RBBP8: variants seen among roughly 807,000 people sequenced by gnomAD.
RBBP8 encodes DNA endonuclease RBBP8.
A neutral mutation model predicts 108.3 loss-of-function variants in RBBP8; 88 were observed. That is an observed-to-expected ratio of 0.81 (90% CI 0.68 to 0.97). The LOEUF is 0.97. Ranked by LOEUF, RBBP8 falls within the 50% of genes least tolerant of loss-of-function variation. The pLI is 0.00. For missense variants in RBBP8, 1,023 were observed against 1,049.0 expected (o/e 0.98, Z 0.34); for synonymous variants, 332 against 348.2 (o/e 0.95, Z 0.52).
At chr18:23,005,025 G>A (rs945610036) in intron 15 of RBBP8, among the ~76,000 whole-genome samples, 2 of 151,996 alleles carry the variant, frequency 1.3e-5, no homozygotes, top group African/African-American at 4.8e-5. Flanking sequence ...AGCCGGGTGT[G>A]GTGGCGTGCG....
At chr18:22,987,797 A>C (rs776496219) in intron 8 of RBBP8, among the ~76,000 whole-genome samples, 92 of 152,312 alleles carry the variant, frequency 6.0e-4, no homozygotes, top group Non-Finnish European at 1.0e-3. Flanking sequence ...TGCAGTCAGT[A>C]GTCTTCTCTG....
intron 18 of RBBP8, among the ~76,000 whole-genome samples, chr18:23,025,750 A>G (rs1241707958): frequency 6.6e-6 from 1 of 152,216 alleles, no homozygotes; most frequent in African/African-American, 2.4e-5. Flanking sequence ...GCAGAATAGG[A>G]AAGTGTTTAA....
At position 22,940,616 on chromosome 18, in the gene RBBP8, G is replaced by T. The variant is rs773914322; in HGVS notation, c.109+3656G>T. ...ATTACAGGCGTGAGCCACTGCGCCC[G>T]GTCTATATTTCTTTTTAAGATTTTT... On this transcript the variant is annotated intron_variant, in intron 2 of 18. Coordinates refer to ENST00000327155, the MANE Select transcript of RBBP8 (RefSeq NM_002894.3). 8.6e-5 allele frequency among the ~76,000 whole-genome samples: 13 copies of T among 151,738 alleles called. 1 individual carries two copies. Among genetic ancestry groups the T allele is most frequent in the African/African-American group, 3.2e-4 (13 of 41,244 alleles).
intron 8 of RBBP8, among the ~76,000 whole-genome samples, chr18:22,986,581 A>G (rs141632095): frequency 1.2e-4 from 18 of 152,260 alleles, no homozygotes; most frequent in Non-Finnish European, 2.5e-4. Context: ...GGAATATTAT[A>G]GCATGATCGG....
At chr18:22,969,381 CA>C (rs1221984656) in intron 5 of RBBP8, among the ~76,000 whole-genome samples, 3 of 152,074 alleles carry the variant, frequency 2.0e-5, no homozygotes, top group African/African-American at 7.2e-5. Context: ...AGTTTTTCTA[CA>C]TTCTTAGCCG....
At chr18:22,957,381 C>T (rs529438447) in intron 4 of RBBP8, among the ~76,000 whole-genome samples, 1 of 129,778 alleles carries the variant, frequency 7.7e-6, no homozygotes, top group South Asian at 2.6e-4. Flanking sequence ...GTTGTATTTA[C>T]AGCACTGAGC....
At chr18:22,989,122 C>A in intron 8 of RBBP8, 99 bp from the exon 9 acceptor site, 1 of 831,764 alleles carries the variant, frequency 1.2e-6, no homozygotes, top group Non-Finnish European at 1.9e-6. Flanking sequence ...GAAGTGTGAG[C>A]CTTTTCCTTC....
rs781147774 is a variant in RBBP8 at position 22,993,066 on chromosome 18, T to C, written c.1239T>C (p.Ser413=). The C allele has an allele frequency of 6.2e-7, 1 of 1,612,962 alleles. No individual in the cohort carries two copies. The highest frequency in any genetic ancestry group is 1.1e-5 in the South Asian group (1 of 90,966). Residue 413 remains serine (S), a synonymous_variant, in exon 11 of 19, where the codon AGT becomes AGC. Transcript: ENST00000327155. ...AGATACTTATAAATAAAAATATAAGTGAATCCCTAGGTGAACAGAATAGGA... is the reference window on the plus strand; with the variant it reads ...AGATACTTATAAATAAAAATATAAGCGAATCCCTAGGTGAACAGAATAGGA... The part of the protein sequence containing the change: ...NKQILINKNI[S]ESLGEQNRTE...
chr18:22,989,008 C>T (rs545385607), intron 8 of RBBP8, among the ~76,000 whole-genome samples: 72 of 152,262 alleles, frequency 4.7e-4, no homozygotes, highest in African/African-American at 1.6e-3. Flanking sequence ...ATAAAATTTA[C>T]TTGAAAAATT....
chr18:22,996,549 C>G (rs570010719), intron 13 of RBBP8, 87 bp downstream of exon 13: 6 of 1,557,046 alleles, frequency 3.9e-6, no homozygotes, highest in South Asian at 3.5e-5. Flanking sequence ...ACTGTATCAC[C>G]TTAAGATAAT....
intron 3 of RBBP8, 32 bp downstream of exon 3, chr18:22,946,518 T>C (rs745408209): frequency 6.2e-7 from 1 of 1,610,354 alleles, no homozygotes; most frequent in South Asian, 1.1e-5. Context: ...TCATGTGTTA[T>C]TTATAGAGTA....
chr18:22,919,291 CA>C (rs1909488069), intron 3 of RBBP8, among the ~76,000 whole-genome samples: 1 of 152,030 alleles, frequency 6.6e-6, no homozygotes, highest in Non-Finnish European at 1.5e-5. Flanking sequence ...GAATAAAGAG[CA>C]AAAAATTGGT....
At chr18:22,969,442 A>G (rs1341613529) in intron 5 of RBBP8, among the ~76,000 whole-genome samples, 1 of 151,990 alleles carries the variant, frequency 6.6e-6, no homozygotes, top group Non-Finnish European at 1.5e-5. Context: ...TCTTATAACT[A>G]TTTATTTCTT....
At chr18:22,986,116 CT>C (rs1470464622) in intron 8 of RBBP8, among the ~76,000 whole-genome samples, 2 of 151,802 alleles carry the variant, frequency 1.3e-5, no homozygotes, top group African/African-American at 4.8e-5. Flanking sequence ...TTGCTCCCCC[CT>C]GCCCCGAACC....
intron 18 of RBBP8, among the ~76,000 whole-genome samples, chr18:23,023,869 C>CTTTTTTTTTTTTTTTT (rs10655759): frequency 1.2e-5 from 1 of 86,118 alleles, no homozygotes. Context: ...ATGAAGGGGC[C>CTTTTTTTTTTTTTTTT]TTTTTTTTTT....
intron 4 of RBBP8, among the ~76,000 whole-genome samples, chr18:22,951,357 A>G (rs11872586): frequency 8.5e-4 from 130 of 152,328 alleles, no homozygotes; most frequent in African/African-American, 3.0e-3. Flanking sequence ...TTAATTTTCA[A>G]AGGTTGGGAG....
intron 4 of RBBP8, among the ~76,000 whole-genome samples, chr18:22,963,657 A>G (rs1598671714): frequency 1.3e-5 from 2 of 152,148 alleles, no homozygotes; most frequent in Admixed American, 1.3e-4. Context: ...TCATATATCT[A>G]GGACTTCTTT....
At chr18:23,011,729 G>A (rs1182571237) in intron 16 of RBBP8, among the ~76,000 whole-genome samples, 3 of 151,992 alleles carry the variant, frequency 2.0e-5, no homozygotes, top group Non-Finnish European at 2.9e-5. Context: ...GTGAGCCACC[G>A]TGCCCGGCCT....
At chr18:22,999,226 CAA>C (rs1418558280) in intron 14 of RBBP8, among the ~76,000 whole-genome samples, 2 of 152,190 alleles carry the variant, frequency 1.3e-5, no homozygotes, top group Non-Finnish European at 2.9e-5. Flanking sequence ...AGGATTCAAA[CAA>C]TACCATTTTC....
Sources: gnomAD v4.1 joint callset for allele counts (sites outside exome capture counted in the v4.1 genomes callset) on GRCh38, gnomAD v4.1.1 for gene constraint, MANE v1.5 for transcripts, NCBI Gene and HGNC (gene_info 2026-07-23, HGNC 2026-07-21) for gene names.